The following CNIH3 variants were observed in gnomAD, a reference collection of about 807,000 sequenced individuals.
CNIH3 encodes cornichon family AMPA receptor auxiliary protein 3.
A neutral mutation model predicts 24.1 loss-of-function variants in CNIH3; 14 were observed. The observed-to-expected ratio is 0.58, with a 90% CI of 0.38 to 0.91. The LOEUF (loss-of-function observed/expected upper bound fraction) is 0.91, where lower values mean the gene tolerates loss of function less well. CNIH3 is among the 40% of genes least tolerant of loss of function. CNIH3 has a pLI of 0.00. For missense variants in CNIH3, 178 were observed against 196.8 expected, an observed-to-expected ratio of 0.90 and a Z score of 0.57; for synonymous variants, 68 against 73.8, an observed-to-expected ratio of 0.92 and a Z score of 0.40.
chr1:224,636,867 A>C (rs1394409037), intron 1 of CNIH3, among the ~76,000 whole-genome samples: 1 of 152,168 alleles, frequency 6.6e-6, no homozygotes, highest in African/African-American at 2.4e-5. Context: ...GGTTGCTTTA[A>C]GATTTTTATT....
exon 5 of CNIH3, chr1:224,583,243 A>C (rs1558182610): frequency 6.6e-6 from 1 of 152,342 alleles, no homozygotes; most frequent in Non-Finnish European, 1.5e-5. Context: ...TGACCACAGA[A>C]GGCTTTCTGG....
At chr1:224,695,391 CACA>C (rs1687118143) in intron 3 of CNIH3, among the ~76,000 whole-genome samples, 3 of 137,082 alleles carry the variant, frequency 2.2e-5, no homozygotes, top group Admixed American at 7.1e-5. Context: ...CACACACACA[CACA>C]CCCCTGTTGG....
chr1:224,662,086 A>G (rs1234936815), intron 1 of CNIH3, among the ~76,000 whole-genome samples: 2 of 152,246 alleles, frequency 1.3e-5, no homozygotes, highest in Non-Finnish European at 2.9e-5. Flanking sequence ...TTAGCATTTT[A>G]TAGGTAAGAA....
At chr1:224,655,710 G>A (rs1685065761) in intron 1 of CNIH3, among the ~76,000 whole-genome samples, 1 of 152,124 alleles carries the variant, frequency 6.6e-6, no homozygotes, top group Admixed American at 6.5e-5. Context: ...CCAATTACTG[G>A]GATAACAAGT....
At chr1:224,607,207 G>A (rs375098244) in intron 3 of CNIH3, among the ~76,000 whole-genome samples, 1 of 152,226 alleles carries the variant, frequency 6.6e-6, no homozygotes, top group Non-Finnish European at 1.5e-5. Flanking sequence ...CCAATGGTAA[G>A]TGCTGTAAAT....
chr1:224,585,488 T>A (rs78674808), intron 5 of CNIH3, among the ~76,000 whole-genome samples: 1 of 151,824 alleles, frequency 6.6e-6, no homozygotes, highest in African/African-American at 2.4e-5. Context: ...TTTTTTTTTT[T>A]TTATTTTTGA....
chr1:224,621,670 T>A lies in CNIH3; in HGVS notation c.81+4415T>A, dbSNP rs1683287425. On this transcript the variant is annotated intron_variant, in intron 1 of 5. Coordinates refer to ENST00000272133, the MANE Select transcript of CNIH3 (RefSeq NM_152495.2). ...AGGAAGCTCCATGAGAGCAGGGACG[T>A]TTTCTACTTTACCATTGTTTCTCCA... Among the ~76,000 whole-genome samples the A allele has an allele frequency of 2.6e-5, 4 of 152,208 alleles. No homozygotes were observed. The South Asian group carries it at 8.3e-4, about 32-fold the overall frequency.
downstream of CNIH3, among the ~76,000 whole-genome samples, chr1:224,592,202 A>C (rs933138959): frequency 1.2e-4 from 19 of 152,116 alleles, no homozygotes; most frequent in African/African-American, 4.3e-4. Context: ...GCACAGACAG[A>C]TCTTTATAAC....
At chr1:224,680,843 C>T in intron 1 of CNIH3, 115 bp from the exon 2 acceptor site, 1 of 755,048 alleles carries the variant, frequency 1.3e-6, no homozygotes. Context: ...AATCTCATGC[C>T]ATCTACAGCC....
Position 224,461,980 on chromosome 1 carries a change from C to T in CNIH3, n.203+27118C>T, listed in dbSNP as rs187198796. Among the ~76,000 whole-genome samples the T allele has an allele frequency of 5.2e-3, 785 of 152,224 alleles. 4 individuals are homozygous for T. Among genetic ancestry groups the T allele is most frequent in the Non-Finnish European group, 8.4e-3 (569 of 68,008 alleles). On this transcript the variant is annotated intron_variant and non_coding_transcript_variant, in intron 1 of 5. Coordinates refer to the CNIH3 transcript ENST00000471578. ...CACGTTGTAGCATTTATCAGTACTT[C>T]TTTCCTTTTTTTTAAAAAAAAGACT...
At chr1:224,656,062 A>C (rs774386858) in intron 1 of CNIH3, among the ~76,000 whole-genome samples, 1 of 152,196 alleles carries the variant, frequency 6.6e-6, no homozygotes, top group Non-Finnish European at 1.5e-5. Context: ...CAGAAGCATC[A>C]GTTCTGTTGA....
chr1:224,509,721 G>T (rs191904349), intron 1 of CNIH3, among the ~76,000 whole-genome samples: 1 of 152,188 alleles, frequency 6.6e-6, no homozygotes, highest in Admixed American at 6.5e-5. Context: ...GAAGTGTGAG[G>T]TGCCAGGCTG....
chr1:224,598,068 G>A (rs1682061148), intron 3 of CNIH3, among the ~76,000 whole-genome samples: 1 of 152,230 alleles, frequency 6.6e-6, no homozygotes, highest in Non-Finnish European at 1.5e-5. Flanking sequence ...TTTTTGCCAT[G>A]CAGAAACTTC....
chr1:224,647,829 G>A (rs1222424905), intron 1 of CNIH3, among the ~76,000 whole-genome samples: 1 of 152,162 alleles, frequency 6.6e-6, no homozygotes, highest in Non-Finnish European at 1.5e-5. Context: ...GGGCCCTGGT[G>A]TAAGGAGCCT....
intron 1 of CNIH3, among the ~76,000 whole-genome samples, chr1:224,442,073 C>T (rs1674941291): frequency 7.2e-6 from 1 of 138,684 alleles, no homozygotes; most frequent in Admixed American, 7.8e-5. Flanking sequence ...GGCAGGAGTG[C>T]AGTGGCACGA....
intron 3 of CNIH3, among the ~76,000 whole-genome samples, chr1:224,598,261 C>T (rs181680942): frequency 2.6e-5 from 4 of 152,112 alleles, no homozygotes; most frequent in African/African-American, 9.7e-5. Context: ...AGCAAGACAA[C>T]TAGAATCAGA....
chr1:224,593,244 C>G (rs2125031250), downstream of CNIH3, among the ~76,000 whole-genome samples: 1 of 151,378 alleles, frequency 6.6e-6, no homozygotes, highest in East Asian at 2.0e-4. Flanking sequence ...CAACCTCCAT[C>G]TCCCAGGCTC....
chr1:224,583,965 C>T (rs1572523855), intron 5 of CNIH3, among the ~76,000 whole-genome samples: 1 of 152,202 alleles, frequency 6.6e-6, no homozygotes, highest in South Asian at 2.1e-4. Flanking sequence ...CCATACCCCA[C>T]TTCCTGTCGT....
intron 1 of CNIH3, among the ~76,000 whole-genome samples, chr1:224,460,957 T>C (rs1675887001): frequency 6.6e-6 from 1 of 151,814 alleles, no homozygotes; most frequent in Non-Finnish European, 1.5e-5. Flanking sequence ...TTGTTTTTAT[T>C]ATGACTTTAC....
Sources: allele counts gnomAD v4.1 joint callset (sites outside exome capture counted in the v4.1 genomes callset), GRCh38; gene constraint gnomAD v4.1.1; transcripts MANE v1.5; gene names NCBI Gene and HGNC (gene_info 2026-07-23, HGNC 2026-07-21).